Variants in CFDP1 observed in about 807,000 individuals in gnomAD.
CFDP1 encodes the protein chromatin remodeling protein CFDP1, also known as heterochromatin-stabilizing protein CFDP1.
In CFDP1, 31 loss-of-function variants were observed where a neutral mutation model predicts 40.1. The observed-to-expected ratio is 0.77, with a 90% CI of 0.58 to 1.04. The LOEUF (loss-of-function observed/expected upper bound fraction) is 1.04. Among genes scored for constraint, CFDP1 ranks in the 50% least tolerant of loss-of-function variants. CFDP1 has a pLI of 0.00. For synonymous variants in CFDP1, 167 were observed against 120.0 expected (o/e 1.39, Z -2.56); for missense variants, 423 against 343.4 (o/e 1.23, Z -1.83).
intron 1 of CFDP1, 71 bp downstream of exon 1, chr16:75,433,218 G>C: frequency 2.8e-6 from 4 of 1,448,676 alleles, no homozygotes; most frequent in Non-Finnish European, 3.8e-6. Context: ...GACGCCCGCG[G>C]GGGCAGAGCG....
chr16:75,409,518 T>TAAG, intron 4 of CFDP1: 1 of 152,232 alleles, frequency 6.6e-6, no homozygotes, highest in East Asian at 1.9e-4. Flanking sequence ...TTCCTTTTTA[T>TAAG]TGTGTTTTTA....
intron 5 of CFDP1, chr16:75,391,236 G>A (rs1251802925): frequency 6.6e-6 from 1 of 152,216 alleles, no homozygotes; most frequent in East Asian, 1.9e-4. Flanking sequence ...GAAACTAGAA[G>A]TAAAAACTGT....
At chr16:75,314,897 A>G (rs1015414258) in intron 5 of CFDP1, among the ~76,000 whole-genome samples, 8 of 152,062 alleles carry the variant, frequency 5.3e-5, no homozygotes, top group Non-Finnish European at 1.0e-4. Context: ...GATTACCGGC[A>G]CCTGCCACCA....
intron 4 of CFDP1, among the ~76,000 whole-genome samples, chr16:75,407,974 T>A (rs940638641): frequency 6.6e-6 from 1 of 151,948 alleles, no homozygotes; most frequent in Non-Finnish European, 1.5e-5. Context: ...AAGCGTGGTG[T>A]ATGCCTATAG....
intron 4 of CFDP1, among the ~76,000 whole-genome samples, chr16:75,400,364 C>G (rs936961919): frequency 2.6e-5 from 4 of 152,156 alleles, no homozygotes; most frequent in African/African-American, 4.8e-5. Context: ...TTTCTCTGAT[C>G]TCCTAAGCCT....
intron 5 of CFDP1, among the ~76,000 whole-genome samples, chr16:75,387,331 G>A (rs554691218): frequency 2.2e-4 from 33 of 152,092 alleles, no homozygotes; most frequent in African/African-American, 7.5e-4. Flanking sequence ...TAGTGGAGAC[G>A]GGGGTTTCAC....
At chr16:75,334,870 G>A (rs2151517085) in intron 5 of CFDP1, among the ~76,000 whole-genome samples, 1 of 151,934 alleles carries the variant, frequency 6.6e-6, no homozygotes, top group Non-Finnish European at 1.5e-5. Flanking sequence ...CACAAGAATC[G>A]TTTGAACCCC....
chr16:75,425,025 A>G (rs1441739245), intron 1 of CFDP1, among the ~76,000 whole-genome samples: 3 of 152,132 alleles, frequency 2.0e-5, no homozygotes, highest in African/African-American at 7.2e-5. Flanking sequence ...CAGAACCTGT[A>G]TTGTATTTCC....
chr16:75,403,514 T>C (rs930888796), intron 4 of CFDP1, among the ~76,000 whole-genome samples: 14 of 152,196 alleles, frequency 9.2e-5, no homozygotes, highest in Non-Finnish European at 2.1e-4. Flanking sequence ...CCACTGCGCC[T>C]GGCCTAATGA....
At position 75,419,697 on chromosome 16, in the gene CFDP1, C is replaced by T. The variant is rs114598305; in HGVS notation, c.65-5002G>A. ...ATAAAGACCTTGCTGATAAAACAGT[C>T]TGCCGTAAAGAAGCTGGCTAAAACC... On this transcript the variant is annotated intron_variant, in intron 1 of 6. Transcript: ENST00000283882. Among the ~76,000 whole-genome samples, 546 of 152,244 alleles carry T rather than the reference C, an allele frequency of 3.6e-3. 3 individuals carry two copies. The highest frequency in any genetic ancestry group is 0.012 in the African/African-American group (513 of 41,546).
At chr16:75,323,886 T>C (rs1567645551) in intron 5 of CFDP1, among the ~76,000 whole-genome samples, 1 of 152,246 alleles carries the variant, frequency 6.6e-6, no homozygotes, top group Non-Finnish European at 1.5e-5. Context: ...CCAGCATCAC[T>C]GTGAACACAC....
At chr16:75,316,062 G>C (rs910562338) in intron 5 of CFDP1, among the ~76,000 whole-genome samples, 5 of 151,988 alleles carry the variant, frequency 3.3e-5, no homozygotes, top group African/African-American at 4.8e-5. Flanking sequence ...TTGCTCATTG[G>C]ATTTATCTGT....
chr16:75,319,802 A>G (rs972075242), intron 5 of CFDP1, among the ~76,000 whole-genome samples: 1 of 152,196 alleles, frequency 6.6e-6, no homozygotes, highest in Admixed American at 6.5e-5. Context: ...GGAAGCAATC[A>G]TCTATACAAG....
At chr16:75,414,127 C>T (rs146738826) in intron 2 of CFDP1, among the ~76,000 whole-genome samples, 1 of 152,026 alleles carries the variant, frequency 6.6e-6, no homozygotes, top group East Asian at 1.9e-4. Context: ...GGAGGAGATA[C>T]TGCCATGGTA....
chr16:75,348,424 T>C (rs1175332522), intron 5 of CFDP1, among the ~76,000 whole-genome samples: 4 of 152,202 alleles, frequency 2.6e-5, no homozygotes, highest in African/African-American at 9.7e-5. Context: ...CTAAAGTTAT[T>C]TCAAAATAAA....
intron 4 of CFDP1, among the ~76,000 whole-genome samples, chr16:75,405,015 G>A (rs1003696308): frequency 1.3e-5 from 2 of 152,178 alleles, no homozygotes; most frequent in African/African-American, 4.8e-5. Flanking sequence ...AAAACTACCT[G>A]TTATTGGTCC....
chr16:75,309,076 C>G (rs1281756064), intron 5 of CFDP1, among the ~76,000 whole-genome samples: 1 of 152,156 alleles, frequency 6.6e-6, no homozygotes, highest in Non-Finnish European at 1.5e-5. Flanking sequence ...GAATGACACA[C>G]TGATAGCAGC....
At chr16:75,375,391 A>G (rs1490811395) in intron 5 of CFDP1, among the ~76,000 whole-genome samples, 1 of 152,260 alleles carries the variant, frequency 6.6e-6, no homozygotes, top group Non-Finnish European at 1.5e-5. Flanking sequence ...AAAATGGGTA[A>G]GATTGGAAGA....
At chr16:75,360,635 T>C (rs2078674514) in intron 5 of CFDP1, among the ~76,000 whole-genome samples, 1 of 152,202 alleles carries the variant, frequency 6.6e-6, no homozygotes, top group Admixed American at 6.5e-5. Context: ...TCCCTTCTAG[T>C]AGAAATTGTT....
Sources: allele counts gnomAD v4.1 joint callset (sites outside exome capture counted in the v4.1 genomes callset), GRCh38; gene constraint gnomAD v4.1.1; transcripts MANE v1.5; gene names NCBI Gene and HGNC (gene_info 2026-07-23, HGNC 2026-07-21).